Variants in STAU2 observed in about 807,000 individuals in gnomAD.
STAU2 encodes double-stranded RNA-binding protein Staufen homolog 2.
In STAU2, 20 loss-of-function variants were observed where a neutral mutation model predicts 65.9. The ratio of observed to expected loss-of-function variants is 0.30; its 90% CI spans 0.21 to 0.44. STAU2 has a LOEUF of 0.44. Ranked by LOEUF, STAU2 falls within the 20% of genes least tolerant of loss-of-function variation. STAU2 has a pLI of 1.00. For synonymous variants in STAU2, 232 were observed against 233.9 expected (o/e 0.99, Z 0.07); for missense variants, 558 against 683.9 (o/e 0.82, Z 2.05).
chr8:73,551,125 C>T (rs1807307147), intron 13 of STAU2: 1 of 987,348 alleles, frequency 1.0e-6, no homozygotes, highest in Non-Finnish European at 1.2e-6. Context: ...GGTTACAGTT[C>T]AGTACATGAT....
At chr8:73,686,593 TG>T (rs1299441056) in intron 5 of STAU2, among the ~76,000 whole-genome samples, 1 of 150,656 alleles carries the variant, frequency 6.6e-6, no homozygotes, top group Non-Finnish European at 1.5e-5. Context: ...GGGAGAAGGT[TG>T]GGAGGGGAAT....
chr8:73,722,239 A>G (rs28881590), intron 3 of STAU2, among the ~76,000 whole-genome samples: 15,044 of 152,044 alleles, frequency 0.099, 913 homozygotes, highest in African/African-American at 0.17. Context: ...TAAGTTATAA[A>G]CCCCACAACA....
chr8:73,645,120 G>A (rs1815272515), intron 6 of STAU2, among the ~76,000 whole-genome samples: 1 of 152,100 alleles, frequency 6.6e-6, no homozygotes, highest in Non-Finnish European at 1.5e-5. Flanking sequence ...ATCAGAAAAA[G>A]AATGCCAAAG....
At chr8:73,658,943 C>CAACAACAAAAAA (rs373405572) in intron 6 of STAU2, among the ~76,000 whole-genome samples, 2 of 141,888 alleles carry the variant, frequency 1.4e-5, no homozygotes, top group African/African-American at 5.1e-5. Flanking sequence ...ACAAAAACAA[C>CAACAACAAAAAA]AAAAAAAAAA....
intron 13 of STAU2, among the ~76,000 whole-genome samples, chr8:73,517,492 A>G (rs1822805688): frequency 6.6e-6 from 1 of 152,192 alleles, no homozygotes; most frequent in Admixed American, 6.5e-5. Context: ...AAAACTGAAC[A>G]AAACTTACTA....
At chr8:73,693,518 C>G (rs997711407) in intron 4 of STAU2, among the ~76,000 whole-genome samples, 1 of 150,086 alleles carries the variant, frequency 6.7e-6, no homozygotes, top group African/African-American at 2.4e-5. Context: ...AAAAAAATTT[C>G]TTTTTACTAT....
At chr8:73,508,621 G>A (rs771331094) in intron 13 of STAU2, among the ~76,000 whole-genome samples, 1 of 152,180 alleles carries the variant, frequency 6.6e-6, no homozygotes, top group African/African-American at 2.4e-5. Flanking sequence ...GGTGCTGATA[G>A]ACGCTCGACA....
intron 13 of STAU2, among the ~76,000 whole-genome samples, chr8:73,471,388 A>G (rs1216644265): frequency 1.3e-5 from 2 of 150,842 alleles, no homozygotes; most frequent in Non-Finnish European, 3.0e-5. Flanking sequence ...GCGTTTTACT[A>G]TGTTGCCCAG....
chr8:73,571,360 A>T (rs902815231), intron 12 of STAU2, among the ~76,000 whole-genome samples: 3 of 152,102 alleles, frequency 2.0e-5, no homozygotes, highest in East Asian at 3.9e-4. Context: ...TTAACACGGA[A>T]ATCCAGGAAT....
chr8:73,670,871 T>C (rs1817623130), intron 6 of STAU2, among the ~76,000 whole-genome samples: 1 of 151,858 alleles, frequency 6.6e-6, no homozygotes, highest in Non-Finnish European at 1.5e-5. Context: ...TAAAGAAAAA[T>C]CAATAGATAA....
intron 6 of STAU2, among the ~76,000 whole-genome samples, chr8:73,631,736 G>C (rs1247796792): frequency 6.6e-6 from 1 of 152,078 alleles, no homozygotes; most frequent in Non-Finnish European, 1.5e-5. Context: ...AATAAATAAA[G>C]CAAGTTGGTC....
rs1046433828 is a variant in STAU2 at position 73,435,069 on chromosome 8, G to A, written c.1531-12367C>T. ...TGGCAGATGTCAGCGTTATCCACACGCTCCCTGGCCAGCTGGTATGGAGAT... is the reference window on the plus strand; with the variant it reads ...TGGCAGATGTCAGCGTTATCCACACACTCCCTGGCCAGCTGGTATGGAGAT... On this transcript the variant is annotated intron_variant, in intron 13 of 14. Coordinates refer to ENST00000524300, the MANE Select transcript of STAU2 (RefSeq NM_001164380.2). Among the ~76,000 whole-genome samples the A allele has an allele frequency of 7.9e-5, 12 of 151,740 alleles. No individual in the cohort carries two copies. In the South Asian group the frequency reaches 1.2e-3, roughly 16 times the overall value.
intron 3 of STAU2, among the ~76,000 whole-genome samples, chr8:73,720,531 A>G: frequency 2.2e-5 from 1 of 44,882 alleles, no homozygotes; most frequent in African/African-American, 1.1e-4. Context: ...TTTGAGACGG[A>G]GTCTCGCTCT....
chr8:73,509,923 T>A (rs1320759695), intron 13 of STAU2, among the ~76,000 whole-genome samples: 2 of 152,204 alleles, frequency 1.3e-5, no homozygotes, highest in Non-Finnish European at 2.9e-5. Flanking sequence ...CATAAAACTG[T>A]TAGAAATGCT....
intron 5 of STAU2, among the ~76,000 whole-genome samples, chr8:73,683,599 G>A (rs947882272): frequency 6.6e-6 from 1 of 152,258 alleles, no homozygotes; most frequent in South Asian, 2.1e-4. Flanking sequence ...AGTACTGGAA[G>A]TCCTAGCCGG....
intron 13 of STAU2, among the ~76,000 whole-genome samples, chr8:73,539,497 A>C (rs1806389815): frequency 6.6e-6 from 1 of 152,178 alleles, no homozygotes; most frequent in Admixed American, 6.5e-5. Flanking sequence ...AATAAAAAAA[A>C]ATTTACTGGA....
chr8:73,591,909 A>AAAAAAAAAAAAAAG (rs1563444035), intron 11 of STAU2, among the ~76,000 whole-genome samples: 1 of 141,080 alleles, frequency 7.1e-6, no homozygotes, highest in East Asian at 2.0e-4. Context: ...AAAAAAAAAA[A>AAAAAAAAAAAAAAG]AAAAACAAGA....
chr8:73,705,887 G>C (rs1433269487), intron 4 of STAU2, among the ~76,000 whole-genome samples: 1 of 152,134 alleles, frequency 6.6e-6, no homozygotes, highest in East Asian at 1.9e-4. Flanking sequence ...CCTCTGTCCT[G>C]TGTTTCCAAA....
intron 3 of STAU2, among the ~76,000 whole-genome samples, chr8:73,716,311 A>AACTCCTG (rs1389890288): frequency 6.6e-6 from 1 of 152,100 alleles, no homozygotes; most frequent in African/African-American, 2.4e-5. Flanking sequence ...GCCAGTCTCG[A>AACTCCTG]ACTCCTGACC....
Sources: allele counts gnomAD v4.1 joint callset (sites outside exome capture counted in the v4.1 genomes callset), GRCh38; gene constraint gnomAD v4.1.1; transcripts MANE v1.5; gene names NCBI Gene and HGNC (gene_info 2026-07-23, HGNC 2026-07-21).